TENM1: variants seen among roughly 807,000 people sequenced by gnomAD.
TENM1 encodes teneurin-1.
In TENM1, 35 loss-of-function variants were observed where a neutral mutation model predicts 174.8. That is an observed-to-expected ratio of 0.20 (90% CI 0.15 to 0.27). TENM1 has a LOEUF of 0.27. TENM1 is among the 10% of genes least tolerant of loss of function. TENM1 has a pLI of 1.00. For synonymous variants in TENM1, 781 were observed against 798.7 expected, an observed-to-expected ratio of 0.98 and a Z score of 0.37; for missense variants, 1,633 against 2,130.1, an observed-to-expected ratio of 0.77 and a Z score of 4.59.
chrX:124,409,497 C>G (rs760540495), intron 25 of TENM1, among the ~76,000 whole-genome samples: 41 of 81,803 alleles, frequency 5.0e-4, no homozygotes, highest in South Asian at 1.3e-3. Flanking sequence ...CACTCCTATT[C>G]AACATAGTGT....
chrX:124,939,016 C>T (rs184497582), intron 1 of TENM1, among the ~76,000 whole-genome samples: 13 of 111,396 alleles, frequency 1.2e-4, no homozygotes, highest in African/African-American at 2.6e-4. Context: ...AAAAGGGAGG[C>T]GGGGAGATAG....
intron 11 of TENM1, among the ~76,000 whole-genome samples, chrX:124,626,896 T>C (rs1194316800): frequency 8.9e-6 from 1 of 112,393 alleles, no homozygotes; most frequent in Non-Finnish European, 1.9e-5. Context: ...GTAAGAAAGT[T>C]TGTCTGTATC....
At chrX:124,690,725 C>A (rs1178667662) in intron 5 of TENM1, among the ~76,000 whole-genome samples, 1 of 110,280 alleles carries the variant, frequency 9.1e-6, no homozygotes, top group East Asian at 2.9e-4. Context: ...CTTGCAAGTG[C>A]TGGTTGTTAA....
intron 3 of TENM1, among the ~76,000 whole-genome samples, chrX:124,853,622 A>G (rs2147407534): frequency 9.0e-6 from 1 of 111,144 alleles, no homozygotes. Flanking sequence ...AGAAAGCAAC[A>G]TTTTCTGCTG....
chrX:124,990,515 T>C, the TENM1 span, among the ~76,000 whole-genome samples: 1 of 112,772 alleles, frequency 8.9e-6, no homozygotes, highest in African/African-American at 3.2e-5. Context: ...AAAGCTGGCA[T>C]AACACATAGG....
intron 18 of TENM1, among the ~76,000 whole-genome samples, chrX:124,515,345 C>A (rs1251066489): frequency 9.0e-6 from 1 of 111,166 alleles, no homozygotes; most frequent in African/African-American, 3.3e-5. Context: ...GAAGTCCTGG[C>A]CAGAGCAATA....
chrX:124,470,410 T>C (rs1344022349), intron 22 of TENM1, among the ~76,000 whole-genome samples: 2 of 111,191 alleles, frequency 1.8e-5, no homozygotes, highest in African/African-American at 6.5e-5. Context: ...AATATATATA[T>C]AGGTCTGGAA....
chrX:125,107,199 C>A, the TENM1 span, among the ~76,000 whole-genome samples: 1 of 112,055 alleles, frequency 8.9e-6, no homozygotes, highest in Non-Finnish European at 1.9e-5. Context: ...TTATTCAGTG[C>A]CCTGTTTTAT....
the TENM1 span, among the ~76,000 whole-genome samples, chrX:125,111,364 T>C: frequency 1.4e-3 from 150 of 110,215 alleles, no homozygotes; most frequent in African/African-American, 4.9e-3. Flanking sequence ...AGTCCAGGAG[T>C]TCAAGACCAG....
chrX:124,594,353 G>C (rs1457396504), intron 11 of TENM1, among the ~76,000 whole-genome samples: 1 of 111,878 alleles, frequency 8.9e-6, no homozygotes, highest in Admixed American at 9.5e-5. Context: ...TGTCAGAGGA[G>C]AGTGGACCCC....
chrX:125,074,570 C>T, the TENM1 span, among the ~76,000 whole-genome samples: 1 of 111,133 alleles, frequency 9.0e-6, no homozygotes, highest in Non-Finnish European at 1.9e-5. Context: ...CTATCTCTAT[C>T]ATCTGGGGCC....
intron 4 of TENM1, among the ~76,000 whole-genome samples, chrX:124,731,175 G>A (rs2053557649): frequency 1.8e-5 from 2 of 111,392 alleles, no homozygotes; most frequent in South Asian, 7.5e-4. Context: ...TGCTAAAGAT[G>A]ACAGAAAAGT....
chrX:124,676,628 C>T (rs1185004662), intron 5 of TENM1, among the ~76,000 whole-genome samples: 1 of 107,963 alleles, frequency 9.3e-6, no homozygotes, highest in African/African-American at 3.3e-5. Context: ...TCCTCAATTC[C>T]AAATTCAATC....
intron 4 of TENM1, among the ~76,000 whole-genome samples, chrX:124,722,903 G>C (rs1344376362): frequency 9.1e-6 from 1 of 109,440 alleles, no homozygotes; most frequent in Non-Finnish European, 1.9e-5. Flanking sequence ...TTGGCAACCT[G>C]GGAAGCCTGT....
At chrX:125,050,110 C>A in the TENM1 span, among the ~76,000 whole-genome samples, 1 of 109,518 alleles carries the variant, frequency 9.1e-6, no homozygotes, top group African/African-American at 3.3e-5. Context: ...GCAACATGGG[C>A]AGATTACTCT....
intron 6 of TENM1, among the ~76,000 whole-genome samples, chrX:124,665,140 C>T (rs2051720152): frequency 9.0e-6 from 1 of 111,534 alleles, no homozygotes; most frequent in Non-Finnish European, 1.9e-5. Context: ...GAGTTCGAGA[C>T]CAGCCTGACC....
intron 18 of TENM1, among the ~76,000 whole-genome samples, chrX:124,511,378 G>T (rs775197886): frequency 8.9e-6 from 1 of 111,816 alleles, no homozygotes; most frequent in Non-Finnish European, 1.9e-5. Flanking sequence ...GGAGAGAAAT[G>T]ATGAAAGATT....
chrX:124,934,702 AG>A (rs1313794892), intron 1 of TENM1, among the ~76,000 whole-genome samples: 1 of 111,773 alleles, frequency 8.9e-6, no homozygotes, highest in African/African-American at 3.3e-5. Context: ...TAGAAACAAA[AG>A]GGCTATAAGA....
intron 23 of TENM1, among the ~76,000 whole-genome samples, chrX:124,429,987 T>C (rs1218442626): frequency 9.0e-6 from 1 of 110,656 alleles, no homozygotes; most frequent in Admixed American, 9.6e-5. Flanking sequence ...TGTTGAGGAG[T>C]CTCCACTTTA....
Sources: gnomAD v4.1 joint callset for allele counts (sites outside exome capture counted in the v4.1 genomes callset) on GRCh38, gnomAD v4.1.1 for gene constraint, MANE v1.5 for transcripts, NCBI Gene and HGNC (gene_info 2026-07-23, HGNC 2026-07-21) for gene names.